Variants in KAZN observed in about 807,000 individuals in gnomAD.
KAZN encodes kazrin.
A neutral mutation model predicts 87.4 loss-of-function variants in KAZN; 40 were observed. The ratio of observed to expected loss-of-function variants is 0.46; its 90% CI spans 0.36 to 0.60. The LOEUF is 0.60. KAZN is among the 20% of genes least tolerant of loss of function. KAZN has a pLI of 0.00. For missense variants in KAZN, 898 were observed against 1,073.9 expected, an observed-to-expected ratio of 0.84 and a Z score of 2.29; for synonymous variants, 466 against 458.3, an observed-to-expected ratio of 1.02 and a Z score of -0.22.
intron 1 of KAZN, among the ~76,000 whole-genome samples, chr1:14,640,627 C>A (rs1400254233): frequency 6.6e-6 from 1 of 152,196 alleles, no homozygotes; most frequent in Non-Finnish European, 1.5e-5. Flanking sequence ...CAGAGAGCTG[C>A]AACTTGGTAG....
At chr1:14,080,775 G>A (rs764805456) in intron 1 of KAZN, among the ~76,000 whole-genome samples, 3 of 152,204 alleles carry the variant, frequency 2.0e-5, no homozygotes, top group Non-Finnish European at 4.4e-5. Flanking sequence ...CACATAGCCA[G>A]CTTGTGTAAC....
At chr1:14,921,284 G>A (rs1658494789) in intron 1 of KAZN, among the ~76,000 whole-genome samples, 1 of 152,152 alleles carries the variant, frequency 6.6e-6, no homozygotes, top group African/African-American at 2.4e-5. Flanking sequence ...TGACTGAAAA[G>A]TAACTAGGAC....
intron 1 of KAZN, among the ~76,000 whole-genome samples, chr1:14,694,541 A>C (rs1036942870): frequency 1.3e-5 from 2 of 152,228 alleles, no homozygotes; most frequent in Admixed American, 6.5e-5. Flanking sequence ...TGCCACAGAC[A>C]CAAGGATGAA....
intron 2 of KAZN, among the ~76,000 whole-genome samples, chr1:15,027,359 C>G (rs139940477): frequency 6.6e-6 from 1 of 151,348 alleles, no homozygotes; most frequent in African/African-American, 2.4e-5. Flanking sequence ...GGATGACAGG[C>G]GTGAGCCACC....
intron 4 of KAZN, among the ~76,000 whole-genome samples, chr1:15,049,770 T>C (rs979397801): frequency 3.9e-5 from 6 of 152,200 alleles, no homozygotes; most frequent in African/African-American, 1.4e-4. Flanking sequence ...ACACCTGTAA[T>C]CCCAGCACTT....
At chr1:14,362,175 A>G (rs1225585940) in intron 2 of KAZN, among the ~76,000 whole-genome samples, 2 of 152,192 alleles carry the variant, frequency 1.3e-5, no homozygotes, top group East Asian at 1.9e-4. Context: ...AGCATTCAAG[A>G]TGTCAACTTG....
chr1:14,311,750 A>G (rs1283168052), intron 2 of KAZN, among the ~76,000 whole-genome samples: 3 of 152,132 alleles, frequency 2.0e-5, no homozygotes, highest in African/African-American at 7.2e-5. Context: ...GGAAGGATGA[A>G]TGGATAAATG....
chr1:14,250,372 G>A (rs1374122649), intron 2 of KAZN, among the ~76,000 whole-genome samples: 1 of 150,526 alleles, frequency 6.6e-6, no homozygotes, highest in Middle Eastern at 3.2e-3. Flanking sequence ...CATCAACTTC[G>A]GGATTCTAAG....
chr1:15,099,785 A>C lies in KAZN; in HGVS notation c.1548-1758A>C, dbSNP rs7522320. Among the ~76,000 whole-genome samples the C allele has an allele frequency of 0.089, 13,548 of 152,192 alleles. 2,034 individuals carry two copies. Among genetic ancestry groups the C allele is most frequent in the African/African-American group, 0.31 (12,741 of 41,464 alleles). On this transcript the variant is annotated intron_variant, in intron 10 of 14. Transcript: ENST00000376030. The surrounding 1 kb of genome is among the most constrained non-coding windows in gnomAD (Gnocchi z 5.4). ...TCCTGGGGGATGCGGAATAGAAGGG[A>C]AGCAAAGGCAGGAAACGGGGAGCAG...
intron 1 of KAZN, among the ~76,000 whole-genome samples, chr1:14,133,379 AAGAAAGAAAGAAAG>A (rs1267508533): frequency 1.1e-5 from 1 of 95,116 alleles, no homozygotes; most frequent in African/African-American, 4.0e-5. Flanking sequence ...AAAAAAAAAA[AAGAAAGAAAGAAAG>A]AAAGAAAGAA....
At chr1:14,432,141 G>A (rs1666108830) in intron 2 of KAZN, among the ~76,000 whole-genome samples, 2 of 152,152 alleles carry the variant, frequency 1.3e-5, no homozygotes, top group Non-Finnish European at 2.9e-5. Context: ...CTAGCAGCAG[G>A]GAGTGATGGA....
chr1:14,158,837 G>A (rs942791087), intron 1 of KAZN, among the ~76,000 whole-genome samples: 3 of 152,186 alleles, frequency 2.0e-5, no homozygotes, highest in Non-Finnish European at 4.4e-5. Flanking sequence ...GCCTAGTAAT[G>A]CTGTGGCTCT....
chr1:14,419,517 T>C (rs907894563), intron 2 of KAZN, among the ~76,000 whole-genome samples: 1 of 152,218 alleles, frequency 6.6e-6, no homozygotes, highest in Non-Finnish European at 1.5e-5. Flanking sequence ...CAGTTCCCTC[T>C]GTGTGGGGAA....
At chr1:14,796,195 A>G (rs1474083945) in intron 1 of KAZN, among the ~76,000 whole-genome samples, 1 of 152,124 alleles carries the variant, frequency 6.6e-6, no homozygotes. Context: ...AATCCCACAG[A>G]TAAGCCTGGG....
chr1:14,330,445 A>G (rs1463038385), intron 2 of KAZN, among the ~76,000 whole-genome samples: 1 of 152,128 alleles, frequency 6.6e-6, no homozygotes, highest in Non-Finnish European at 1.5e-5. Flanking sequence ...GAAGCATTTT[A>G]CTGAAATTGC....
chr1:15,101,212 A>C (rs1159451784), intron 10 of KAZN, among the ~76,000 whole-genome samples: 1,305 of 86,836 alleles, frequency 0.015, no homozygotes, highest in East Asian at 0.035. Flanking sequence ...GTTCTTCTCT[A>C]TCTCCCTCTG....
intron 2 of KAZN, among the ~76,000 whole-genome samples, chr1:14,330,443 T>C (rs1021345520): frequency 9.2e-5 from 14 of 152,104 alleles, no homozygotes; most frequent in African/African-American, 3.4e-4. Flanking sequence ...AAGAAGCATT[T>C]TACTGAAATT....
At chr1:14,824,521 G>A (rs1223658098) in intron 1 of KAZN, among the ~76,000 whole-genome samples, 1 of 152,198 alleles carries the variant, frequency 6.6e-6, no homozygotes, top group East Asian at 1.9e-4. Context: ...AAAGCAGGGA[G>A]GAAATGACAC....
At chr1:13,894,605 T>G (rs57593212) in intron 1 of KAZN, among the ~76,000 whole-genome samples, 10,549 of 152,192 alleles carry the variant, frequency 0.069, 969 homozygotes, top group African/African-American at 0.2. Context: ...TAGGGTTAAT[T>G]GTGGATTTTG....
Sources: allele counts gnomAD v4.1 joint callset (sites outside exome capture counted in the v4.1 genomes callset), GRCh38; gene constraint gnomAD v4.1.1; non-coding constraint Gnocchi (gnomAD v3.1); transcripts MANE v1.5; gene names NCBI Gene and HGNC (gene_info 2026-07-23, HGNC 2026-07-21).